TSPEAR: variants seen among roughly 807,000 people sequenced by gnomAD.
The protein encoded by TSPEAR is thrombospondin type laminin G domain and EAR repeats.
Under a neutral mutation model 71.6 loss-of-function variants are expected in TSPEAR, and 69 were observed. That is an observed-to-expected ratio of 0.96 (90% confidence interval 0.79 to 1.18). The LOEUF is 1.18. TSPEAR is among the 50% of genes most tolerant of loss of function. TSPEAR has a pLI of 0.00. For missense variants in TSPEAR, 971 were observed against 894.9 expected (o/e 1.09, Z -1.09); for synonymous variants, 402 against 387.2 (o/e 1.04, Z -0.45).
At chr21:44,578,532 G>C (rs462254) in intron 1 of TSPEAR, among the ~76,000 whole-genome samples, 140,265 of 152,178 alleles carry the variant, frequency 0.92, 65,024 homozygotes, top group Non-Finnish European at 0.97. Flanking sequence ...TGTCGGCGAG[G>C]GTGCTAGGGA....
chr21:44,557,834 C>T (rs138657525), intron 2 of TSPEAR: 3 of 614,468 alleles, frequency 4.9e-6, no homozygotes, highest in African/African-American at 3.7e-5. Flanking sequence ...TGATCACTCA[C>T]ATGGGGCAGG....
chr21:44,613,618 C>T (rs1199016496), intron 1 of TSPEAR, among the ~76,000 whole-genome samples: 7 of 151,970 alleles, frequency 4.6e-5, no homozygotes, highest in Non-Finnish European at 1.0e-4. Context: ...AGCAGCAATG[C>T]GAGGGGAGAG....
intron 1 of TSPEAR, among the ~76,000 whole-genome samples, chr21:44,588,804 G>A (rs1373536861): frequency 2.0e-5 from 3 of 147,344 alleles, no homozygotes; most frequent in African/African-American, 5.0e-5. Flanking sequence ...TATATATGAT[G>A]GAATACTACT....
chr21:44,558,798 C>A, intron 2 of TSPEAR: 1 of 1,516,574 alleles, frequency 6.6e-7, no homozygotes, highest in South Asian at 1.3e-5. Context: ...AGTGATCGTG[C>A]CAGGCCTCTG....
chr21:44,551,110 C>G (rs233239), intron 2 of TSPEAR: 329,312 of 1,612,024 alleles, frequency 0.2, 32,928 homozygotes, highest in East Asian at 0.4. Flanking sequence ...CATGAAGAAG[C>G]CCCACAGCAG....
In TSPEAR at chr21:44,711,350, T is replaced by C; in HGVS notation, c.82+83A>G. On this transcript the variant is annotated intron_variant, in intron 1 of 11. Coordinates refer to ENST00000323084, the MANE Select transcript of TSPEAR (RefSeq NM_144991.3). The surrounding 1 kb of genome is among the most constrained non-coding windows in gnomAD (Gnocchi z 4.5). Reference sequence around the variant, plus strand: ...CGGGCACCGCGGCTTGAATCAGTGTTAGAAAGTGGCATTTGTGACTCGACA... The same window carrying C: ...CGGGCACCGCGGCTTGAATCAGTGTCAGAAAGTGGCATTTGTGACTCGACA... The C allele has an allele frequency of 7.6e-7, 1 of 1,314,510 alleles. No homozygotes were observed. The highest frequency in any genetic ancestry group is 2.5e-5 in the East Asian group (1 of 39,682). 81.4% of individuals were successfully genotyped at this position (1,314,510 alleles called of 1,614,324 possible).
intron 1 of TSPEAR, among the ~76,000 whole-genome samples, chr21:44,681,119 C>A (rs1046970986): frequency 6.6e-6 from 1 of 152,162 alleles, no homozygotes; most frequent in Non-Finnish European, 1.5e-5. Context: ...AATATGTAAA[C>A]ATATTATGTA....
intron 1 of TSPEAR, among the ~76,000 whole-genome samples, chr21:44,693,444 G>A (rs1294339905): frequency 6.6e-6 from 1 of 152,072 alleles, no homozygotes; most frequent in Non-Finnish European, 1.5e-5. Context: ...GAAAATATTT[G>A]CAAATCATAC....
rs1341678932 is a variant in TSPEAR at position 44,698,836 on chromosome 21, A to G, written c.82+12597T>C. On this transcript the variant is annotated intron_variant, in intron 1 of 11. Coordinates refer to ENST00000323084, the MANE Select transcript of TSPEAR (RefSeq NM_144991.3). ...GAAGCCTACTGCCCAGATCATGAAT[A>G]TCTTGAAGTCTCTTCTAACAGAAAA... Among the ~76,000 whole-genome samples the G allele has an allele frequency of 2.0e-5, 3 of 152,220 alleles. No individual in the cohort carries two copies. In the East Asian group the frequency reaches 5.8e-4, roughly 29 times the overall value.
chr21:44,638,229 C>A (rs587703494), intron 1 of TSPEAR: 454 of 1,559,940 alleles, frequency 2.9e-4, no homozygotes, highest in Non-Finnish European at 3.9e-4. Context: ...TCCCAGCTGC[C>A]CCAGCAAGCT....
In TSPEAR at chr21:44,601,688, G is replaced by A. The variant is rs782026949; in HGVS notation, c.83-33683C>T. The A allele has an allele frequency of 1.1e-5, 18 of 1,611,956 alleles. No individual in the cohort carries two copies. Among genetic ancestry groups the A allele is most frequent in the South Asian group, 4.4e-5 (4 of 90,840 alleles). Reference sequence around the variant, plus strand: ...CTCCTTTGCCGCCCCGCATGCTCCCGCCCGGCCTGCTGTGGCCCCACCTCA... The same window carrying A: ...CTCCTTTGCCGCCCCGCATGCTCCCACCCGGCCTGCTGTGGCCCCACCTCA... On this transcript the variant is annotated intron_variant, in intron 1 of 11. Transcript: ENST00000323084.
In TSPEAR at chr21:44,533,607, G is replaced by A. The variant is rs587709297; in HGVS notation, c.542+78C>T. 58 of 1,247,570 alleles carry A rather than the reference G, an allele frequency of 4.6e-5. 1 individual carries two copies. In the South Asian group the frequency reaches 5.8e-4, roughly 12 times the overall value. The allele number at this position is 1,247,570 out of a possible 1,614,324, so 77.3% of individuals were successfully genotyped here. A position where few individuals can be genotyped will look rare whatever the true frequency, so the allele number is the denominator to read the frequency against. ...AGGACAGCTCCTGCAGGTGTTGCTC[G>A]GCGAGCACGGCTGAAGGATGCCTGG... is the stretch of plus-strand genomic sequence containing the variant. On this transcript the variant is annotated intron_variant, in intron 3 of 11. Transcript: ENST00000323084.
intron 1 of TSPEAR, chr21:44,677,574 G>A: frequency 2.1e-6 from 2 of 968,334 alleles, no homozygotes; most frequent in Admixed American, 2.0e-5. Context: ...TTCTGAAAGT[G>A]CAGGTGTGGG....
intron 1 of TSPEAR, among the ~76,000 whole-genome samples, chr21:44,670,763 C>T (rs1986017033): frequency 6.6e-6 from 1 of 152,148 alleles, no homozygotes; most frequent in Non-Finnish European, 1.5e-5. Flanking sequence ...AGCATGGTGC[C>T]ATTTTGAGAG....
intron 1 of TSPEAR, chr21:44,579,957 C>T (rs1978799709): frequency 6.2e-7 from 1 of 1,613,966 alleles, no homozygotes; most frequent in Non-Finnish European, 8.5e-7. Context: ...GTGCAGCAAG[C>T]CGGCTGACAG....
At chr21:44,694,924 T>C (rs75785444) in intron 1 of TSPEAR, among the ~76,000 whole-genome samples, 1,778 of 152,312 alleles carry the variant, frequency 0.012, 45 homozygotes, top group African/African-American at 0.041. Context: ...GCGTATCTTC[T>C]AGCTCTTCAA....
At chr21:44,697,095 C>A in intron 1 of TSPEAR, 1 of 1,537,060 alleles carries the variant, frequency 6.5e-7, no homozygotes, top group Non-Finnish European at 8.8e-7. Context: ...TCCTGCCCAT[C>A]CAGCACCCAG....
rs781838570 is a variant in TSPEAR, at chr21:44,612,784, T to C, written c.83-44779A>G. The C allele has an allele frequency of 1.9e-6, 3 of 1,613,186 alleles. No individual in the cohort carries two copies. Among genetic ancestry groups the C allele is most frequent in the African/African-American group, 1.3e-5 (1 of 74,726 alleles). On this transcript the variant is annotated intron_variant, in intron 1 of 11. Transcript: ENST00000323084. The surrounding 1 kb of genome is among the most constrained non-coding windows in gnomAD (Gnocchi z 4.1). ...CCTGCTGTGTGCCTGTCCCCTCCTG[T>C]TGTGTCCCTGCCTCCTCCTGCCAGC...
intron 1 of TSPEAR, among the ~76,000 whole-genome samples, chr21:44,653,457 G>A (rs1418466376): frequency 4.6e-5 from 7 of 152,178 alleles, no homozygotes; most frequent in Non-Finnish European, 8.8e-5. Flanking sequence ...GCTGCCCCCG[G>A]CTAGAAACCT....
Sources: allele counts gnomAD v4.1 joint callset (sites outside exome capture counted in the v4.1 genomes callset), GRCh38; gene constraint gnomAD v4.1.1; non-coding constraint Gnocchi (gnomAD v3.1); transcripts MANE v1.5; gene names NCBI Gene and HGNC (gene_info 2026-07-23, HGNC 2026-07-21).